Variants in NR3C2 observed in about 807,000 individuals in gnomAD.
NR3C2 encodes nuclear receptor subfamily 3 group C member 2.
Under a neutral mutation model 86.4 loss-of-function variants are expected in NR3C2, and 15 were observed. The observed-to-expected ratio is 0.17, with a 90% CI of 0.12 to 0.27. The LOEUF is 0.27. Among genes scored for constraint, NR3C2 ranks in the 10% least tolerant of loss-of-function variants. The pLI is 1.00. For missense variants in NR3C2, 960 were observed against 1,195.6 expected (o/e 0.80, Z 2.91); for synonymous variants, 458 against 450.5 (o/e 1.02, Z -0.21).
chr4:148,412,717 G>A (rs1041522117), intron 2 of NR3C2, among the ~76,000 whole-genome samples: 2 of 152,126 alleles, frequency 1.3e-5, no homozygotes, highest in Admixed American at 6.6e-5. Context: ...TTTTCTAAAA[G>A]CACATAATTT....
chr4:148,411,709 T>A (rs1358741362), intron 2 of NR3C2, among the ~76,000 whole-genome samples: 2 of 152,224 alleles, frequency 1.3e-5, no homozygotes, highest in African/African-American at 2.4e-5. Flanking sequence ...CAATGTCACA[T>A]CAAAAGATAC....
intron 2 of NR3C2, among the ~76,000 whole-genome samples, chr4:148,304,679 G>C (rs968868603): frequency 3.9e-5 from 6 of 152,050 alleles, no homozygotes; most frequent in Non-Finnish European, 7.3e-5. Flanking sequence ...TACTTTAGAG[G>C]GGGGAATGAT....
intron 2 of NR3C2, among the ~76,000 whole-genome samples, chr4:148,403,212 A>C (rs1748256497): frequency 6.6e-6 from 1 of 152,108 alleles, no homozygotes; most frequent in Non-Finnish European, 1.5e-5. Flanking sequence ...ATTACTATAA[A>C]GCTTCAATTT....
intron 4 of NR3C2, among the ~76,000 whole-genome samples, chr4:148,180,065 C>T (rs1735571559): frequency 6.6e-6 from 1 of 151,796 alleles, no homozygotes; most frequent in African/African-American, 2.4e-5. Context: ...ACAACTACTG[C>T]ATATCCTGCC....
intron 6 of NR3C2, among the ~76,000 whole-genome samples, chr4:148,132,588 T>C (rs990086896): frequency 6.6e-6 from 1 of 152,236 alleles, no homozygotes; most frequent in Non-Finnish European, 1.5e-5. Context: ...TAAGATTTAG[T>C]AAACTAAATT....
intron 2 of NR3C2, among the ~76,000 whole-genome samples, chr4:148,276,046 C>T (rs898402953): frequency 6.6e-6 from 1 of 152,124 alleles, no homozygotes; most frequent in Non-Finnish European, 1.5e-5. Flanking sequence ...CTTACTCTTA[C>T]AATGTGTTAA....
intron 2 of NR3C2, among the ~76,000 whole-genome samples, chr4:148,265,439 C>T (rs902904189): frequency 4.6e-5 from 7 of 152,162 alleles, no homozygotes; most frequent in Admixed American, 3.3e-4. Flanking sequence ...GAAATTGGCT[C>T]ATTGAGAATC....
intron 2 of NR3C2, among the ~76,000 whole-genome samples, chr4:148,327,631 TG>T (rs1304166142): frequency 1.3e-5 from 2 of 152,194 alleles, no homozygotes; most frequent in Non-Finnish European, 2.9e-5. Context: ...ATAAGAGTGA[TG>T]GAACAGTAGT....
chr4:148,131,680 T>C (rs915925504), intron 6 of NR3C2, among the ~76,000 whole-genome samples: 5 of 152,220 alleles, frequency 3.3e-5, no homozygotes, highest in Non-Finnish European at 5.9e-5. Flanking sequence ...GAGAATGCTA[T>C]TGTGGTCTGC....
intron 3 of NR3C2, among the ~76,000 whole-genome samples, chr4:148,199,347 G>A (rs893307891): frequency 6.6e-6 from 1 of 152,120 alleles, no homozygotes; most frequent in Non-Finnish European, 1.5e-5. Flanking sequence ...AGGATAAAAA[G>A]CCAGGACTGT....
chr4:148,158,073 T>G (rs1196505439), intron 4 of NR3C2, among the ~76,000 whole-genome samples: 1 of 152,236 alleles, frequency 6.6e-6, no homozygotes, highest in Non-Finnish European at 1.5e-5. Flanking sequence ...CACAGAAATC[T>G]GATTTTTAGA....
intron 8 of NR3C2, among the ~76,000 whole-genome samples, chr4:148,108,722 C>T (rs901930889): frequency 2.6e-5 from 4 of 152,174 alleles, no homozygotes; most frequent in African/African-American, 4.8e-5. Context: ...GTCTAATGGT[C>T]GTACACAGAA....
intron 4 of NR3C2, among the ~76,000 whole-genome samples, chr4:148,161,518 T>C (rs1034548711): frequency 2.0e-5 from 3 of 152,060 alleles, no homozygotes; most frequent in African/African-American, 7.2e-5. Flanking sequence ...CCTGGCTAAT[T>C]TTTTTTAAAT....
chr4:148,184,632 T>C (rs538386628), intron 4 of NR3C2, among the ~76,000 whole-genome samples: 64 of 152,300 alleles, frequency 4.2e-4, no homozygotes, highest in African/African-American at 1.5e-3. Flanking sequence ...TATATAAAGA[T>C]ACATTAAAAC....
chr4:148,339,436 G>A (rs933841688), intron 2 of NR3C2, among the ~76,000 whole-genome samples: 21 of 152,056 alleles, frequency 1.4e-4, no homozygotes, highest in African/African-American at 4.6e-4. Flanking sequence ...GAAAAATTTA[G>A]AATTAAGTAC....
intron 4 of NR3C2, among the ~76,000 whole-genome samples, chr4:148,166,977 C>T (rs766604099): frequency 4.6e-5 from 7 of 152,132 alleles, no homozygotes; most frequent in South Asian, 2.1e-4. Flanking sequence ...ATTGATAGTA[C>T]AGAAATTAAA....
intron 2 of NR3C2, among the ~76,000 whole-genome samples, chr4:148,315,641 A>T (rs1187255799): frequency 1.3e-5 from 2 of 152,232 alleles, no homozygotes; most frequent in African/African-American, 2.4e-5. Flanking sequence ...TATGAACAAC[A>T]GAATAAAACG....
intron 3 of NR3C2, among the ~76,000 whole-genome samples, chr4:148,235,553 C>A (rs1738708549): frequency 6.6e-6 from 1 of 152,050 alleles, no homozygotes; most frequent in Admixed American, 6.6e-5. Flanking sequence ...TATAACACAA[C>A]CATTCTGAAA....
At chr4:148,082,513 G>A (rs1578860767) in intron 8 of NR3C2, among the ~76,000 whole-genome samples, 1 of 152,084 alleles carries the variant, frequency 6.6e-6, no homozygotes, top group East Asian at 1.9e-4. Flanking sequence ...GGACTGTGCT[G>A]TAACAGTGCA....
Sources: gnomAD v4.1 joint callset for allele counts (sites outside exome capture counted in the v4.1 genomes callset) on GRCh38, gnomAD v4.1.1 for gene constraint, MANE v1.5 for transcripts, NCBI Gene and HGNC (gene_info 2026-07-23, HGNC 2026-07-21) for gene names.